Variants in JARID2 observed in about 807,000 individuals in gnomAD.
The protein encoded by JARID2 is protein Jumonji.
JARID2 carries 21 observed loss-of-function variants against 125.6 expected under a neutral mutation model. The observed-to-expected ratio is 0.17, with a 90% CI of 0.12 to 0.24. The LOEUF is 0.24. JARID2 is among the 10% of genes least tolerant of loss of function. The probability of loss-of-function intolerance (pLI) is 1.00; values close to 1 mark genes in which losing one functional copy is unlikely to be tolerated. For missense variants in JARID2, 1,303 were observed against 1,639.6 expected (o/e 0.79, Z 3.55); for synonymous variants, 736 against 661.6 (o/e 1.11, Z -1.73).
chr6:15,263,074 T>TTGTGTGTGTGTG (rs561238062), intron 1 of JARID2, among the ~76,000 whole-genome samples: 6 of 139,720 alleles, frequency 4.3e-5, no homozygotes, highest in East Asian at 2.1e-4. Flanking sequence ...GGGTGTGTGT[T>TTGTGTGTGTGTG]TGTGTGTGTG....
At chr6:15,489,647 A>G (rs1770051320) in intron 6 of JARID2, among the ~76,000 whole-genome samples, 1 of 152,250 alleles carries the variant, frequency 6.6e-6, no homozygotes, top group African/African-American at 2.4e-5. Flanking sequence ...CCCATGCTCC[A>G]TGGCGTGTTC....
rs1480674307 is a variant in JARID2, at chr6:15,504,725, CTG to C, written c.2541+137_2541+138del. 7.4e-5 allele frequency: 47 copies of C among 637,830 alleles called. No homozygotes were observed. In the East Asian group the frequency reaches 1.2e-3, roughly 17 times the overall value. 39.5% of individuals were successfully genotyped at this position (637,830 alleles called of 1,614,324 possible). ...ACTCAGATGGGGCTGAGTTCGTCCT[CTG>C]TGTTGAGCGTGCACCAGGGCAGCCA... On this transcript the variant is annotated intron_variant, in intron 9 of 17. Coordinates refer to ENST00000341776, the MANE Select transcript of JARID2 (RefSeq NM_004973.4).
At chr6:15,470,583 G>T (rs1320518528) in intron 5 of JARID2, among the ~76,000 whole-genome samples, 3 of 152,186 alleles carry the variant, frequency 2.0e-5, no homozygotes, top group Non-Finnish European at 4.4e-5. Context: ...TTGTGTTTAG[G>T]TGACACATCT....
chr6:15,437,128 C>G (rs961144811), intron 3 of JARID2, among the ~76,000 whole-genome samples: 1 of 152,124 alleles, frequency 6.6e-6, no homozygotes, highest in African/African-American at 2.4e-5. Context: ...CTGGAAAGGT[C>G]CCTTTTGGTG....
intron 1 of JARID2, among the ~76,000 whole-genome samples, chr6:15,314,636 T>TA (rs1554122930): frequency 1.3e-5 from 2 of 152,176 alleles, no homozygotes; most frequent in Non-Finnish European, 1.5e-5. Context: ...ACCCTGGAGA[T>TA]ACAGTTGAGG....
At chr6:15,265,866 C>T (rs935173085) in intron 1 of JARID2, among the ~76,000 whole-genome samples, 1 of 152,158 alleles carries the variant, frequency 6.6e-6, no homozygotes, top group Non-Finnish European at 1.5e-5. Context: ...GACCCCTTCT[C>T]CACTCAGGGG....
At chr6:15,404,966 C>G (rs956491585) in intron 2 of JARID2, among the ~76,000 whole-genome samples, 1 of 152,134 alleles carries the variant, frequency 6.6e-6, no homozygotes, top group African/African-American at 2.4e-5. Context: ...ATGATACAGA[C>G]TACATGCTCT....
intron 6 of JARID2, among the ~76,000 whole-genome samples, chr6:15,494,433 T>TTTTTTTTTTG (rs1554144113): frequency 1.4e-5 from 2 of 147,296 alleles, no homozygotes; most frequent in African/African-American, 2.5e-5. Context: ...TTTTTTTTTT[T>TTTTTTTTTTG]GAGACAAGAG....
intron 1 of JARID2, among the ~76,000 whole-genome samples, chr6:15,314,195 G>A (rs1450609240): frequency 2.0e-5 from 3 of 152,312 alleles, no homozygotes; most frequent in Non-Finnish European, 2.9e-5. Context: ...TGTGGCTCCT[G>A]TTTCCCCCAC....
intron 3 of JARID2, among the ~76,000 whole-genome samples, chr6:15,446,861 G>A (rs1205093080): frequency 6.6e-6 from 1 of 152,180 alleles, no homozygotes; most frequent in African/African-American, 2.4e-5. Flanking sequence ...TGGAGGTGGC[G>A]TGGCATGACA....
In JARID2 at chr6:15,335,640, G is replaced by A. The variant is rs115569018; in HGVS notation, c.46-38477G>A. Among the ~76,000 whole-genome samples, 508 of 152,230 alleles carry A rather than the reference G, an allele frequency of 3.3e-3. 1 individual carries two copies. The highest frequency in any genetic ancestry group is 4.1e-3 in the Non-Finnish European group (278 of 68,006). Reference sequence around the variant, plus strand: ...TGCCTGTCCACATTGAGGTGTCCCTGGGGGGTGTCTTTTCTCCTAGTGTCC... The same window carrying A: ...TGCCTGTCCACATTGAGGTGTCCCTAGGGGGTGTCTTTTCTCCTAGTGTCC... On this transcript the variant is annotated intron_variant, in intron 1 of 17. Coordinates refer to ENST00000341776, the MANE Select transcript of JARID2 (RefSeq NM_004973.4).
At chr6:15,278,109 TGTAATCCCAGGCTGAAGCAGG>T (rs903720878) in intron 1 of JARID2, among the ~76,000 whole-genome samples, 11 of 152,016 alleles carry the variant, frequency 7.2e-5, no homozygotes, top group Admixed American at 5.9e-4. Flanking sequence ...TTAGCATGCC[TGTAATCCCAGGCTGAAGCAGG>T]AGAATCCCAG....
intron 3 of JARID2, among the ~76,000 whole-genome samples, chr6:15,451,295 T>C (rs1253147176): frequency 6.6e-6 from 1 of 152,208 alleles, no homozygotes; most frequent in African/African-American, 2.4e-5. Flanking sequence ...AGCATAGGAT[T>C]GTAATGGGAA....
At chr6:15,473,734 C>T (rs1420504158) in intron 5 of JARID2, among the ~76,000 whole-genome samples, 2 of 152,182 alleles carry the variant, frequency 1.3e-5, no homozygotes, top group Non-Finnish European at 2.9e-5. Flanking sequence ...CAAGCCACTA[C>T]CTGGGATATA....
chr6:15,287,776 GC>G (rs2127389933), intron 1 of JARID2, among the ~76,000 whole-genome samples: 1 of 152,262 alleles, frequency 6.6e-6, no homozygotes, highest in African/African-American at 2.4e-5. Flanking sequence ...TAGGTTAGGA[GC>G]CCATGTTAAA....
chr6:15,490,667 G>A (rs1345786864), intron 6 of JARID2, among the ~76,000 whole-genome samples: 1 of 152,222 alleles, frequency 6.6e-6, no homozygotes, highest in Non-Finnish European at 1.5e-5. Flanking sequence ...TTGGTTGTAT[G>A]GTAAGGGTCT....
At chr6:15,378,863 T>G in intron 2 of JARID2, among the ~76,000 whole-genome samples, 1 of 152,192 alleles carries the variant, frequency 6.6e-6, no homozygotes, top group East Asian at 1.9e-4. Flanking sequence ...TTTACAGAAT[T>G]TTTATCTAAT....
rs1372473589 is a variant in JARID2 at position 15,341,114 on chromosome 6, T to C, written c.46-33003T>C. ...CCATGTGATGTTAGAAAAAGTGTTA[T>C]TTTCACTGTTACATAAAATTTTTTG... is the stretch of plus-strand genomic sequence containing the variant. On this transcript the variant is annotated intron_variant, in intron 1 of 17. Transcript: ENST00000341776. Among the ~76,000 whole-genome samples, 3 of 152,330 alleles carry C rather than the reference T, an allele frequency of 2.0e-5. No individual in the cohort carries two copies. The East Asian group carries it at 5.8e-4, about 29-fold the overall frequency.
chr6:15,504,419 G>A (rs2127750454), intron 8 of JARID2, 81 bp from the exon 9 acceptor site: 7 of 1,000,754 alleles, frequency 7.0e-6, no homozygotes, highest in Non-Finnish European at 1.1e-5. Flanking sequence ...AGGGGCAGCG[G>A]CCCATGACAG....
Sources: allele counts gnomAD v4.1 joint callset (sites outside exome capture counted in the v4.1 genomes callset), GRCh38; gene constraint gnomAD v4.1.1; transcripts MANE v1.5; gene names NCBI Gene and HGNC (gene_info 2026-07-23, HGNC 2026-07-21).